Variants in KCND2 observed in about 807,000 individuals in gnomAD.
KCND2 encodes the protein potassium voltage-gated channel subfamily D member 2, also known as A-type voltage-gated potassium channel KCND2.
A neutral mutation model predicts 54.4 loss-of-function variants in KCND2; 16 were observed. That is an observed-to-expected ratio of 0.29 (90% CI 0.20 to 0.45). The LOEUF (loss-of-function observed/expected upper bound fraction) is 0.45, where lower values mean the gene tolerates loss of function less well. Among genes scored for constraint, KCND2 ranks in the 20% least tolerant of loss-of-function variants. KCND2 has a pLI of 1.00. For synonymous variants in KCND2, 317 were observed against 310.7 expected (o/e 1.02, Z -0.21); for missense variants, 486 against 824.2 (o/e 0.59, Z 5.02).
At chr7:120,673,072 A>G (rs1286143631) in intron 1 of KCND2, 2 of 152,086 alleles carry the variant, frequency 1.3e-5, no homozygotes, top group Non-Finnish European at 2.9e-5. Context: ...GTGTGTGTGC[A>G]CAGAGGAAAG....
intron 1 of KCND2, among the ~76,000 whole-genome samples, chr7:120,419,689 A>G (rs1801581723): frequency 6.6e-6 from 1 of 152,208 alleles, no homozygotes; most frequent in South Asian, 2.1e-4. Flanking sequence ...TACATATTAC[A>G]CATGATGTAT....
At chr7:120,530,545 C>T (rs564843457) in intron 1 of KCND2, among the ~76,000 whole-genome samples, 2 of 152,114 alleles carry the variant, frequency 1.3e-5, no homozygotes, top group Non-Finnish European at 2.9e-5. Context: ...TCATAATTCT[C>T]GGGTAGCTCA....
intron 1 of KCND2, among the ~76,000 whole-genome samples, chr7:120,500,100 T>A (rs1802910902): frequency 6.6e-6 from 1 of 152,212 alleles, no homozygotes; most frequent in African/African-American, 2.4e-5. Context: ...TTTTATTTCC[T>A]CTGAGTGTTC....
chr7:120,303,510 C>A (rs1316554894), intron 1 of KCND2, among the ~76,000 whole-genome samples: 1 of 152,078 alleles, frequency 6.6e-6, no homozygotes, highest in Non-Finnish European at 1.5e-5. Context: ...TCATGTTTAG[C>A]CTCCAAAGTA....
At position 120,611,951 on chromosome 7, in the gene KCND2, G is replaced by A. The variant is rs569521197; in HGVS notation, c.1116-120952G>A. Among the ~76,000 whole-genome samples, 311 of 152,234 alleles carry A rather than the reference G, an allele frequency of 2.0e-3. 1 individual carries two copies. Among genetic ancestry groups the A allele is most frequent in the Non-Finnish European group, 3.9e-3 (262 of 68,004 alleles). ...TAGTAATAGTTCTGCTGAATTTTCC[G>A]TTACCAGAAAAAGTGTGTTTAAGCA... On this transcript the variant is annotated intron_variant, in intron 1 of 5. Coordinates refer to ENST00000331113, the MANE Select transcript of KCND2 (RefSeq NM_012281.3).
At chr7:120,329,990 T>G (rs1800039098) in intron 1 of KCND2, among the ~76,000 whole-genome samples, 1 of 152,172 alleles carries the variant, frequency 6.6e-6, no homozygotes, top group Non-Finnish European at 1.5e-5. Context: ...TAATAGGATG[T>G]TCACCACTGA....
chr7:120,582,566 G>T (rs777962771), intron 1 of KCND2, among the ~76,000 whole-genome samples: 1 of 151,920 alleles, frequency 6.6e-6, no homozygotes, highest in Non-Finnish European at 1.5e-5. Flanking sequence ...CTGCTGCAAG[G>T]CCTTAGGTCT....
intron 1 of KCND2, among the ~76,000 whole-genome samples, chr7:120,528,715 TA>T (rs1369510878): frequency 6.6e-6 from 1 of 152,154 alleles, no homozygotes; most frequent in Non-Finnish European, 1.5e-5. Context: ...GGCTACAGTA[TA>T]ACAAAATTTT....
chr7:120,746,171 G>A (rs1355266002), intron 5 of KCND2, 144 bp downstream of exon 5: 12 of 902,988 alleles, frequency 1.3e-5, no homozygotes, highest in Non-Finnish European at 1.9e-5. Flanking sequence ...GTAACAAGTA[G>A]GAAAATGGTT....
At chr7:120,295,703 T>C (rs1799503252) in intron 1 of KCND2, among the ~76,000 whole-genome samples, 1 of 152,090 alleles carries the variant, frequency 6.6e-6, no homozygotes, top group Admixed American at 6.6e-5. Flanking sequence ...AATTTACTAG[T>C]AATTCTACTA....
intron 1 of KCND2, among the ~76,000 whole-genome samples, chr7:120,337,038 G>A (rs1233545743): frequency 6.6e-6 from 1 of 151,056 alleles, no homozygotes; most frequent in Admixed American, 6.6e-5. Flanking sequence ...AAATTCATAT[G>A]ACAAGTAAAA....
intron 1 of KCND2, among the ~76,000 whole-genome samples, chr7:120,474,428 C>T (rs1192608086): frequency 1.3e-5 from 2 of 152,044 alleles, no homozygotes; most frequent in African/African-American, 4.8e-5. Flanking sequence ...ACCTCCGCCT[C>T]CCGGGTTCAA....
chr7:120,592,376 A>AC, intron 1 of KCND2, among the ~76,000 whole-genome samples: 1 of 152,098 alleles, frequency 6.6e-6, no homozygotes, highest in Non-Finnish European at 1.5e-5. Flanking sequence ...ATATGGTGAC[A>AC]CCCCATCTCT....
At chr7:120,717,734 G>T (rs1309158642) in intron 1 of KCND2, among the ~76,000 whole-genome samples, 1 of 151,912 alleles carries the variant, frequency 6.6e-6, no homozygotes, top group African/African-American at 2.4e-5. Flanking sequence ...TTACTGCTTG[G>T]CTAACTTCTT....
intron 1 of KCND2, among the ~76,000 whole-genome samples, chr7:120,629,615 T>C (rs1793208084): frequency 6.6e-6 from 1 of 152,200 alleles, no homozygotes; most frequent in Non-Finnish European, 1.5e-5. Flanking sequence ...AGAAATGAAT[T>C]GCTCTTCCTA....
chr7:120,538,029 G>C (rs190797141), intron 1 of KCND2, among the ~76,000 whole-genome samples: 40 of 152,182 alleles, frequency 2.6e-4, no homozygotes, highest in Admixed American at 5.2e-4. Flanking sequence ...CCTAGGTTTT[G>C]GCCTATTTCA....
Position 120,697,458 on chromosome 7 carries a change from A to G in KCND2, c.1116-35445A>G, listed in dbSNP as rs531208779. ...TTTTAAAAGAACACCAGAATTCCTC[A>G]TAACAAAGAGTCCCTAGTCTGATAT... is the stretch of plus-strand genomic sequence containing the variant. On this transcript the variant is annotated intron_variant, in intron 1 of 5. Coordinates refer to ENST00000331113, the MANE Select transcript of KCND2 (RefSeq NM_012281.3). Among the ~76,000 whole-genome samples, 188 of 152,326 alleles carry G rather than the reference A, an allele frequency of 1.2e-3. 1 individual carries two copies. Among genetic ancestry groups the G allele is most frequent in the South Asian group, 2.1e-3 (10 of 4,830 alleles).
chr7:120,665,597 A>G (rs1791917211), intron 1 of KCND2, among the ~76,000 whole-genome samples: 1 of 152,028 alleles, frequency 6.6e-6, no homozygotes, highest in Admixed American at 6.6e-5. Flanking sequence ...ACTGGTAGCA[A>G]TAAAAACAAC....
chr7:120,310,840 G>A (rs1159688539), intron 1 of KCND2, among the ~76,000 whole-genome samples: 3 of 151,324 alleles, frequency 2.0e-5, no homozygotes, highest in African/African-American at 4.9e-5. Context: ...GGAAGCTGAG[G>A]CACAGGAATC....
Sources: allele counts gnomAD v4.1 joint callset (sites outside exome capture counted in the v4.1 genomes callset), GRCh38; gene constraint gnomAD v4.1.1; transcripts MANE v1.5; gene names NCBI Gene and HGNC (gene_info 2026-07-23, HGNC 2026-07-21).